Variants in FAM219A observed in about 807,000 individuals in gnomAD.
FAM219A encodes protein FAM219A.
Under a neutral mutation model 23.4 loss-of-function variants are expected in FAM219A, and 7 were observed. That is an observed-to-expected ratio of 0.30 (90% CI 0.17 to 0.56). FAM219A has a LOEUF of 0.56. Among genes scored for constraint, FAM219A ranks in the 20% least tolerant of loss-of-function variants. The pLI is 0.92. For missense variants in FAM219A, 166 were observed against 246.9 expected, an observed-to-expected ratio of 0.67 and a Z score of 2.20; for synonymous variants, 93 against 99.0, an observed-to-expected ratio of 0.94 and a Z score of 0.36.
At chr9:34,438,282 G>C (rs1316523615) in intron 1 of FAM219A, among the ~76,000 whole-genome samples, 1 of 152,196 alleles carries the variant, frequency 6.6e-6, no homozygotes, top group Non-Finnish European at 1.5e-5. Context: ...GCCACCCCCT[G>C]CTCCACGGCG....
chr9:34,423,547 T>C (rs1822354861), intron 1 of FAM219A, among the ~76,000 whole-genome samples: 1 of 152,184 alleles, frequency 6.6e-6, no homozygotes, highest in Non-Finnish European at 1.5e-5. Context: ...CTTAAAATCA[T>C]GAAGGGCTTT....
At chr9:34,454,065 C>G (rs1255135286) in intron 1 of FAM219A, among the ~76,000 whole-genome samples, 1 of 152,206 alleles carries the variant, frequency 6.6e-6, no homozygotes, top group Non-Finnish European at 1.5e-5. Flanking sequence ...CAGAAACACT[C>G]AGGATTGTCT....
At chr9:34,455,809 A>T (rs1390190257) in intron 1 of FAM219A, among the ~76,000 whole-genome samples, 1 of 152,154 alleles carries the variant, frequency 6.6e-6, no homozygotes, top group African/African-American at 2.4e-5. Context: ...CAACCTGGGG[A>T]CAGAGGTCAG....
intron 1 of FAM219A, among the ~76,000 whole-genome samples, chr9:34,408,089 T>C (rs1821703206): frequency 6.6e-6 from 1 of 152,202 alleles, no homozygotes; most frequent in African/African-American, 2.4e-5. Context: ...AACCTGTGCC[T>C]CCCTCTCCTG....
At chr9:34,446,445 A>ATG (rs1823378330) in intron 1 of FAM219A, among the ~76,000 whole-genome samples, 2 of 152,240 alleles carry the variant, frequency 1.3e-5, no homozygotes, top group African/African-American at 4.8e-5. Context: ...ACACGTTTAT[A>ATG]GTACACACAC....
At chr9:34,453,830 C>T (rs1823643758) in intron 1 of FAM219A, among the ~76,000 whole-genome samples, 1 of 152,196 alleles carries the variant, frequency 6.6e-6, no homozygotes, top group African/African-American at 2.4e-5. Flanking sequence ...GAAGAGAAGA[C>T]ATAGACTGTG....
At chr9:34,442,684 C>CA (rs113574730) in intron 1 of FAM219A, among the ~76,000 whole-genome samples, 82 of 128,134 alleles carry the variant, frequency 6.4e-4, no homozygotes, top group East Asian at 1.1e-3. Context: ...GACTCCGTCT[C>CA]AAAAAAAAAA....
chr9:34,447,348 T>C (rs553444265), intron 1 of FAM219A, among the ~76,000 whole-genome samples: 2 of 152,236 alleles, frequency 1.3e-5, no homozygotes, highest in Non-Finnish European at 2.9e-5. Flanking sequence ...CTGACAATAA[T>C]AGAAGTACAA....
Position 34,420,973 on chromosome 9 carries a change from C to CGTGT in FAM219A, c.61-15013_61-15010dup, listed in dbSNP as rs533243353. Among the ~76,000 whole-genome samples the CGTGT allele has an allele frequency of 4.1e-3, 546 of 133,336 alleles. 4 individuals are homozygous for CGTGT. The highest frequency in any genetic ancestry group is 0.015 in the African/African-American group (513 of 33,336). The allele number at this position is 133,336 out of a possible 152,430, so 87.5% of individuals were successfully genotyped here. ...CCAGCCTGGGTGACAGAGTGAAACT[C>CGTGT]GTGTGTGTGTGTGTGTGTATGTGTG... On this transcript the variant is annotated intron_variant, in intron 1 of 5. Transcript: ENST00000651358.
intron 4 of FAM219A, 73 bp from the exon 5 acceptor site, chr9:34,401,793 C>T (rs1821445147): frequency 2.0e-6 from 3 of 1,474,768 alleles, no homozygotes; most frequent in Non-Finnish European, 2.8e-6. Context: ...TCCCACCTCC[C>T]ATTAGGCAGC....
rs569997847 is a variant in FAM219A, at chr9:34,406,075, C to A, written c.61-111G>T. 4.4e-6 allele frequency: 5 copies of A among 1,140,114 alleles called. No individual in the cohort carries two copies. In the African/African-American group the frequency reaches 4.7e-5, roughly 11 times the overall value. The allele number at this position is 1,140,114 out of a possible 1,614,324, so 70.6% of individuals were successfully genotyped here. On this transcript the variant is annotated intron_variant, in intron 1 of 5. Transcript: ENST00000651358. The stretch of plus-strand genomic sequence containing the variant: ...TGCCCTCTGGGCTTCTGTGAGCATT[C>A]ACCCCTCAGAGCAGGCAGGGCATTC...
intron 1 of FAM219A, among the ~76,000 whole-genome samples, chr9:34,452,903 A>G (rs1292869780): frequency 6.6e-6 from 1 of 152,062 alleles, no homozygotes; most frequent in Non-Finnish European, 1.5e-5. Context: ...TCACTATTCT[A>G]TAGTGCCTCA....
intron 1 of FAM219A, among the ~76,000 whole-genome samples, chr9:34,420,141 GGGGGAGGGCACAATGTACACT>G (rs1822208374): frequency 6.6e-6 from 1 of 152,124 alleles, no homozygotes; most frequent in South Asian, 2.1e-4. Flanking sequence ...ACCCCAACAA[GGGGGAGGGCACAATGTACACT>G]GGGGAGGGAA....
chr9:34,420,707 G>A (rs537638171), intron 1 of FAM219A, among the ~76,000 whole-genome samples: 1 of 152,228 alleles, frequency 6.6e-6, no homozygotes, highest in Non-Finnish European at 1.5e-5. Flanking sequence ...AGGCGTGGTG[G>A]CTCATGAGCC....
chr9:34,458,225 C>T lies in FAM219A; in HGVS notation c.39G>A (p.Ala13=). The T allele has an allele frequency of 6.3e-7, 1 of 1,589,334 alleles. No homozygotes were observed. Among genetic ancestry groups the T allele is most frequent in the African/African-American group, 1.4e-5 (1 of 73,854 alleles). The change falls in exon 1 of 6, where the codon GCG becomes GCA. Residue 13 remains alanine, a synonymous_variant. Coordinates refer to ENST00000651358, the MANE Select transcript of FAM219A (RefSeq NM_001184940.2). This position sits in a 1 kb window ranked among gnomAD's most constrained non-coding sequence, Gnocchi z 6.6. ...EEIDRFQVPT[A]HSEMQPLDPA... ...TCACCAGCGGCTGCATCTCCGAGTGCGCGGTGGGCACCTGGAACCGGTCGA... is the reference window on the plus strand; with the variant it reads ...TCACCAGCGGCTGCATCTCCGAGTGTGCGGTGGGCACCTGGAACCGGTCGA...
Position 34,458,285 on chromosome 9 carries a change from C to G in FAM219A, c.-22G>C. The G allele has an allele frequency of 6.9e-7, 1 of 1,444,322 alleles. No individual in the cohort carries two copies. The highest frequency in any genetic ancestry group is 1.5e-5 in the South Asian group (1 of 68,726). The allele number at this position is 1,444,322 out of a possible 1,614,324, so 89.5% of individuals were successfully genotyped here. ...TCATGGTGCCGGCGGGCGAGCGGGC[C>G]AGGGGCCGGGCGCGGCCGCGGACGC... On this transcript the variant is annotated 5_prime_UTR_variant, in exon 1 of 6. Transcript: ENST00000651358. This position sits in a 1 kb window ranked among gnomAD's most constrained non-coding sequence, Gnocchi z 6.6.
At chr9:34,452,347 G>C (rs1355163313) in intron 1 of FAM219A, among the ~76,000 whole-genome samples, 1 of 152,200 alleles carries the variant, frequency 6.6e-6, no homozygotes, top group African/African-American at 2.4e-5. Context: ...GTTATAAGAA[G>C]TCCCTGAGAC....
At chr9:34,454,234 G>A (rs1183917653) in intron 1 of FAM219A, among the ~76,000 whole-genome samples, 1 of 152,182 alleles carries the variant, frequency 6.6e-6, no homozygotes, top group African/African-American at 2.4e-5. Context: ...TCGAGAGATT[G>A]ATACCATCCT....
At chr9:34,416,224 AAAGAAAGAAAGAAAGAAAGAAAG>A (rs1233791490) in intron 1 of FAM219A, among the ~76,000 whole-genome samples, 7 of 136,858 alleles carry the variant, frequency 5.1e-5, no homozygotes, top group African/African-American at 1.7e-4. Context: ...AGAAAGAAAG[AAAGAAAGAAAGAAAGAAAGAAAG>A]AAAGAAAGAA....
Sources: allele counts gnomAD v4.1 joint callset (sites outside exome capture counted in the v4.1 genomes callset), GRCh38; gene constraint gnomAD v4.1.1; non-coding constraint Gnocchi (gnomAD v3.1); transcripts MANE v1.5; gene names NCBI Gene and HGNC (gene_info 2026-07-23, HGNC 2026-07-21).